The following PTPRT variants were observed in gnomAD, a reference collection of about 807,000 sequenced individuals.
PTPRT encodes the protein receptor-type tyrosine-protein phosphatase T.
A neutral mutation model predicts 176.8 loss-of-function variants in PTPRT; 56 were observed. That is an observed-to-expected ratio of 0.32 (90% CI 0.26 to 0.40). The LOEUF is 0.40. Ranked by LOEUF, PTPRT falls within the 10% of genes least tolerant of loss-of-function variation. The pLI is 1.00. For synonymous variants in PTPRT, 783 were observed against 739.0 expected (o/e 1.06, Z -0.96); for missense variants, 1,540 against 1,908.2 (o/e 0.81, Z 3.60).
At chr20:43,186,946 T>C (rs758058429) in intron 1 of PTPRT, among the ~76,000 whole-genome samples, 20 of 152,218 alleles carry the variant, frequency 1.3e-4, no homozygotes, top group Non-Finnish European at 2.9e-5. Flanking sequence ...ATTATCCCCT[T>C]ATTCATTTAA....
At chr20:43,013,127 T>C (rs1478461039) in intron 1 of PTPRT, among the ~76,000 whole-genome samples, 1 of 152,100 alleles carries the variant, frequency 6.6e-6, no homozygotes, top group African/African-American at 2.4e-5. Flanking sequence ...ATGTACTGTA[T>C]ATATATCTCT....
chr20:42,555,179 T>C (rs2072838281), intron 7 of PTPRT, among the ~76,000 whole-genome samples: 2 of 152,186 alleles, frequency 1.3e-5, no homozygotes, highest in South Asian at 2.1e-4. Flanking sequence ...GGGTACAGAA[T>C]GCTCTGGGCC....
chr20:43,136,215 T>G (rs1030415193), intron 1 of PTPRT, among the ~76,000 whole-genome samples: 7 of 152,244 alleles, frequency 4.6e-5, no homozygotes, highest in Non-Finnish European at 7.3e-5. Context: ...CTGTAGCATC[T>G]GGCCTAAATG....
intron 7 of PTPRT, among the ~76,000 whole-genome samples, chr20:42,550,331 T>C (rs1183673405): frequency 6.6e-6 from 1 of 151,896 alleles, no homozygotes; most frequent in Admixed American, 6.6e-5. Flanking sequence ...AAAGCAGTGA[T>C]GTGAGTGGGA....
chr20:42,161,105 G>A (rs533885726), intron 17 of PTPRT, among the ~76,000 whole-genome samples: 1 of 152,290 alleles, frequency 6.6e-6, no homozygotes, highest in South Asian at 2.1e-4. Flanking sequence ...AGTGAAAAAG[G>A]ATGTCTTAGA....
At chr20:42,602,667 A>T (rs190953676) in intron 7 of PTPRT, among the ~76,000 whole-genome samples, 1 of 151,982 alleles carries the variant, frequency 6.6e-6, no homozygotes, top group African/African-American at 2.4e-5. Flanking sequence ...TCTTACCACT[A>T]TGTTCTTTTT....
intron 7 of PTPRT, among the ~76,000 whole-genome samples, chr20:42,628,347 G>A (rs2074335629): frequency 6.6e-6 from 1 of 152,088 alleles, no homozygotes; most frequent in Non-Finnish European, 1.5e-5. Context: ...CACCTGTATA[G>A]CGCTATTGCT....
intron 8 of PTPRT, among the ~76,000 whole-genome samples, chr20:42,466,156 T>C (rs915494445): frequency 1.3e-5 from 2 of 152,346 alleles, no homozygotes; most frequent in South Asian, 2.1e-4. Flanking sequence ...CAGTCTATCA[T>C]TGATGGCCAT....
chr20:42,154,066 C>A (rs1204255324), intron 17 of PTPRT, among the ~76,000 whole-genome samples: 2 of 152,064 alleles, frequency 1.3e-5, no homozygotes. Context: ...CCCAGGTATT[C>A]CTGTTTTGGT....
intron 2 of PTPRT, among the ~76,000 whole-genome samples, chr20:42,798,307 T>C (rs1447370709): frequency 6.6e-6 from 1 of 152,196 alleles, no homozygotes; most frequent in African/African-American, 2.4e-5. Context: ...TCCATAATGA[T>C]GAAATTTAGC....
At position 43,005,065 on chromosome 20, in the gene PTPRT, G is replaced by A. The variant is rs192282264; in HGVS notation, c.89-119133C>T. ...GAACCACACTCAAACACAGTGTGGT[G>A]TTCAGATGCCTTCATCATCATGTTC... On this transcript the variant is annotated intron_variant, in intron 1 of 30. Transcript: ENST00000373187. Among the ~76,000 whole-genome samples the A allele has an allele frequency of 3.0e-4, 45 of 152,240 alleles. No homozygotes were observed. The East Asian group carries it at 8.1e-3, about 27-fold the overall frequency.
chr20:42,944,079 C>T (rs1400496485), intron 1 of PTPRT, among the ~76,000 whole-genome samples: 1 of 151,956 alleles, frequency 6.6e-6, no homozygotes, highest in Non-Finnish European at 1.5e-5. Flanking sequence ...TGAAATTAAG[C>T]CCCCACTGCC....
chr20:42,229,246 G>C (rs565017647), intron 15 of PTPRT, among the ~76,000 whole-genome samples: 11 of 152,296 alleles, frequency 7.2e-5, no homozygotes, highest in African/African-American at 2.6e-4. Context: ...GCAGATCTGG[G>C]GGGTGAGGCT....
chr20:42,797,791 C>T (rs1041858316), intron 2 of PTPRT, among the ~76,000 whole-genome samples: 2 of 152,072 alleles, frequency 1.3e-5, no homozygotes, highest in Admixed American at 6.6e-5. Context: ...GAGTCAGAAT[C>T]ACAGTTGAGG....
At chr20:42,520,124 C>A (rs910195571) in intron 7 of PTPRT, among the ~76,000 whole-genome samples, 1 of 152,042 alleles carries the variant, frequency 6.6e-6, no homozygotes, top group Non-Finnish European at 1.5e-5. Context: ...TTGTATGAAA[C>A]TTCTCAACTT....
intron 6 of PTPRT, among the ~76,000 whole-genome samples, chr20:42,721,684 T>C (rs1444493346): frequency 6.6e-6 from 1 of 152,214 alleles, no homozygotes; most frequent in African/African-American, 2.4e-5. Context: ...AGCAGCAAGT[T>C]TCCCTTGTCA....
intron 2 of PTPRT, among the ~76,000 whole-genome samples, chr20:42,875,463 A>T (rs1192081714): frequency 6.6e-6 from 1 of 152,244 alleles, no homozygotes; most frequent in Non-Finnish European, 1.5e-5. Context: ...CTCCAAGTAC[A>T]CGAAAAACCA....
intron 2 of PTPRT, among the ~76,000 whole-genome samples, chr20:42,845,025 C>A (rs2078344555): frequency 6.6e-6 from 1 of 152,218 alleles, no homozygotes. Context: ...TCAGATTCAG[C>A]TCTCATCCCT....
At chr20:43,123,225 G>A (rs1047370918) in intron 1 of PTPRT, among the ~76,000 whole-genome samples, 1 of 152,150 alleles carries the variant, frequency 6.6e-6, no homozygotes, top group Admixed American at 6.5e-5. Flanking sequence ...TTTTAAACAA[G>A]AGGTGGATAA....
Sources: allele counts gnomAD v4.1 joint callset (sites outside exome capture counted in the v4.1 genomes callset), GRCh38; gene constraint gnomAD v4.1.1; transcripts MANE v1.5; gene names NCBI Gene and HGNC (gene_info 2026-07-23, HGNC 2026-07-21).